The following HEMK2 variants were observed in gnomAD, a reference collection of about 807,000 sequenced individuals.
The protein encoded by HEMK2 is HemK methyltransferase 2, ETF1 glutamine and histone H4 lysine.
At chr21:28,704,493 C>T in the HEMK2 span, among the ~76,000 whole-genome samples, 2 of 149,418 alleles carry the variant, frequency 1.3e-5, no homozygotes, top group African/African-American at 2.4e-5. Context: ...AAACCCCTTG[C>T]TTAGCAATTT....
chr21:28,847,303 A>G, the HEMK2 span, among the ~76,000 whole-genome samples: 1 of 152,146 alleles, frequency 6.6e-6, no homozygotes, highest in Non-Finnish European at 1.5e-5. Flanking sequence ...TTGACATTTA[A>G]TAATAGCCAT....
chr21:28,724,346 T>C, the HEMK2 span, among the ~76,000 whole-genome samples: 1 of 152,358 alleles, frequency 6.6e-6, no homozygotes, highest in Non-Finnish European at 1.5e-5. Context: ...CTGTAAAATG[T>C]AATATGCAAA....
the HEMK2 span, among the ~76,000 whole-genome samples, chr21:28,850,974 G>C: frequency 1.1e-5 from 1 of 89,002 alleles, no homozygotes; most frequent in Non-Finnish European, 2.1e-5. Context: ...CTTGTGCCCA[G>C]ATGCATATAT....
chr21:28,787,869 G>A, the HEMK2 span, among the ~76,000 whole-genome samples: 1 of 152,108 alleles, frequency 6.6e-6, no homozygotes, highest in Admixed American at 6.5e-5. Context: ...TATCTACCCA[G>A]AGAAAAATAA....
the HEMK2 span, among the ~76,000 whole-genome samples, chr21:28,845,815 T>A: frequency 6.6e-6 from 1 of 152,136 alleles, no homozygotes; most frequent in Non-Finnish European, 1.5e-5. Flanking sequence ...TTATTTTAAG[T>A]TCAAGGGGTA....
chr21:28,846,058 T>C, the HEMK2 span, among the ~76,000 whole-genome samples: 1 of 152,232 alleles, frequency 6.6e-6, no homozygotes, highest in African/African-American at 2.4e-5. Flanking sequence ...TTTAGTTTTC[T>C]GTCCTTACAT....
chr21:28,609,977 CATA>C, the HEMK2 span, among the ~76,000 whole-genome samples: 13 of 152,266 alleles, frequency 8.5e-5, no homozygotes, highest in African/African-American at 2.9e-4. Context: ...GTGTGGAAAA[CATA>C]TTTGAGGGAA....
the HEMK2 span, among the ~76,000 whole-genome samples, chr21:28,773,115 G>T: frequency 2.0e-5 from 3 of 152,210 alleles, no homozygotes; most frequent in African/African-American, 2.4e-5. Context: ...TGCCTCTCCT[G>T]CTCTAGACTT....
chr21:28,627,321 C>T, the HEMK2 span, among the ~76,000 whole-genome samples: 1 of 152,180 alleles, frequency 6.6e-6, no homozygotes. Context: ...TCAAAACTTA[C>T]TGAACACTGA....
chr21:28,620,660 C>CTTTTTTTTTT, the HEMK2 span, among the ~76,000 whole-genome samples: 196 of 49,650 alleles, frequency 3.9e-3, 47 homozygotes, highest in Middle Eastern at 0.015. Flanking sequence ...TCTCTCTTTT[C>CTTTTTTTTTT]TTTTTTTTTT....
At chr21:28,665,151 G>A in the HEMK2 span, among the ~76,000 whole-genome samples, 5 of 150,800 alleles carry the variant, frequency 3.3e-5, no homozygotes, top group African/African-American at 7.3e-5. Context: ...CAGGAGTGGC[G>A]GCATGCACCT....
At chr21:28,875,418 T>TA in the HEMK2 span, 1 of 152,288 alleles carries the variant, frequency 6.6e-6, no homozygotes, top group East Asian at 1.9e-4. Context: ...GGCTTTGCTC[T>TA]AAAATCCTAA....
the HEMK2 span, among the ~76,000 whole-genome samples, chr21:28,633,789 T>A: frequency 6.6e-6 from 1 of 152,024 alleles, no homozygotes; most frequent in Non-Finnish European, 1.5e-5. Flanking sequence ...AAGACAAAGG[T>A]GTAAGTAAAT....
chr21:28,838,966 AAAAAAAATATATATAT>A, the HEMK2 span, among the ~76,000 whole-genome samples: 5 of 49,438 alleles, frequency 1.0e-4, no homozygotes, highest in South Asian at 2.5e-3. Context: ...AAAAAAAAAA[AAAAAAAATATATATAT>A]ATATATATAT....
chr21:28,792,753 G>A, the HEMK2 span, among the ~76,000 whole-genome samples: 14 of 152,120 alleles, frequency 9.2e-5, no homozygotes, highest in South Asian at 2.1e-4. Flanking sequence ...TCAATACTGC[G>A]TCTTCTCTTC....
chr21:28,877,223 GAAGGAAGGA>G, the HEMK2 span, among the ~76,000 whole-genome samples: 1 of 89,472 alleles, frequency 1.1e-5, no homozygotes, highest in Non-Finnish European at 2.4e-5. Context: ...GAAAGGAAGG[GAAGGAAGGA>G]AAGGAAGGGA....
At chr21:28,875,203 G>A in the HEMK2 span, 1 of 152,250 alleles carries the variant, frequency 6.6e-6, no homozygotes, top group East Asian at 1.9e-4. Flanking sequence ...CCAATCATGT[G>A]TATACCACTT....
At chr21:28,755,470 A>G in the HEMK2 span, among the ~76,000 whole-genome samples, 1 of 152,192 alleles carries the variant, frequency 6.6e-6, no homozygotes, top group African/African-American at 2.4e-5. Flanking sequence ...CAGATTGACC[A>G]AGAAGCTGCA....
At chr21:28,866,802 T>C in the HEMK2 span, among the ~76,000 whole-genome samples, 1 of 152,158 alleles carries the variant, frequency 6.6e-6, no homozygotes, top group South Asian at 2.1e-4. Context: ...ATGTAGAGAT[T>C]AGTAGCCAGA....
Sources: allele counts gnomAD v4.1 joint callset (sites outside exome capture counted in the v4.1 genomes callset), GRCh38; gene constraint gnomAD v4.1.1; transcripts MANE v1.5; gene names NCBI Gene and HGNC (gene_info 2026-07-23, HGNC 2026-07-21).